METAP1D: variants seen among roughly 807,000 people sequenced by gnomAD.
The protein encoded by METAP1D is methionyl aminopeptidase type 1D, mitochondrial, also known as methionine aminopeptidase 1D, mitochondrial.
METAP1D carries 31 observed loss-of-function variants against 40.5 expected under a neutral mutation model. The ratio of observed to expected loss-of-function variants is 0.77; its 90% CI spans 0.58 to 1.03. The LOEUF (loss-of-function observed/expected upper bound fraction) is 1.03, where lower values mean the gene tolerates loss of function less well. Ranked by LOEUF, METAP1D falls within the 50% of genes least tolerant of loss-of-function variation. METAP1D has a pLI of 0.00. For missense variants in METAP1D, 411 were observed against 420.7 expected, an observed-to-expected ratio of 0.98 and a Z score of 0.20; for synonymous variants, 151 against 146.4, an observed-to-expected ratio of 1.03 and a Z score of -0.22.
intron 1 of METAP1D, among the ~76,000 whole-genome samples, chr2:172,045,767 ATATG>A (rs1279039370): frequency 1.5e-5 from 1 of 65,534 alleles, no homozygotes; most frequent in African/African-American, 4.8e-5. Context: ...ATGTGTGTAT[ATATG>A]TATATATGTG....
intron 1 of METAP1D, among the ~76,000 whole-genome samples, chr2:172,005,520 T>TTATATATATATATATA (rs34982215): frequency 0.015 from 1,681 of 110,636 alleles, 31 homozygotes; most frequent in Non-Finnish European, 0.022. Flanking sequence ...TGTCTGTATT[T>TTATATATATATATATA]TATATATATA....
chr2:172,046,199 A>G (rs904021214), intron 1 of METAP1D, among the ~76,000 whole-genome samples: 5 of 151,908 alleles, frequency 3.3e-5, no homozygotes, highest in Non-Finnish European at 5.9e-5. Context: ...CCTTAACCAC[A>G]TCCTAGATAA....
Position 172,081,040 on chromosome 2 carries a change from TG to T in METAP1D, c.*637del. On this transcript the variant is annotated 3_prime_UTR_variant, in exon 10 of 10. Transcript: ENST00000315796. ...CAAACATGTCCTTGGCAGTGGACTC[TG>T]GGCCTGGCCATTCTTCAGGTTTCTG... 6.5e-6 allele frequency: 1 copy of T among 154,386 alleles called. No individual in the cohort carries two copies. The highest frequency in any genetic ancestry group is 1.4e-5 in the Non-Finnish European group (1 of 69,520). The allele number at this position is 154,386 out of a possible 1,614,324, so 9.6% of individuals were successfully genotyped here.
chr2:172,026,984 C>T (rs1689132297), intron 1 of METAP1D, among the ~76,000 whole-genome samples: 1 of 152,148 alleles, frequency 6.6e-6, no homozygotes, highest in African/African-American at 2.4e-5. Context: ...TCCCCATACC[C>T]CAGTACCCTC....
intron 1 of METAP1D, among the ~76,000 whole-genome samples, chr2:172,045,560 C>T (rs1246026372): frequency 2.0e-5 from 3 of 147,474 alleles, no homozygotes; most frequent in African/African-American, 5.0e-5. Context: ...ACTCGGTAGG[C>T]TGAGGCAGGA....
chr2:172,002,534 C>T (rs1477339226), intron 1 of METAP1D, among the ~76,000 whole-genome samples: 1 of 152,184 alleles, frequency 6.6e-6, no homozygotes, highest in Non-Finnish European at 1.5e-5. Context: ...ATCCATCCCA[C>T]TGTATCCCAA....
intron 5 of METAP1D, among the ~76,000 whole-genome samples, chr2:172,068,381 G>T (rs1476177540): frequency 6.6e-6 from 1 of 151,970 alleles, no homozygotes; most frequent in Admixed American, 6.6e-5. Flanking sequence ...GTGACAGAGC[G>T]AGACTCTGTC....
intron 1 of METAP1D, among the ~76,000 whole-genome samples, chr2:172,012,145 A>T (rs1315992743): frequency 1.3e-5 from 2 of 152,250 alleles, no homozygotes; most frequent in Non-Finnish European, 2.9e-5. Flanking sequence ...GATTAAGATC[A>T]AATAGAAATA....
At chr2:172,002,446 T>C (rs1688489245) in intron 1 of METAP1D, among the ~76,000 whole-genome samples, 1 of 152,202 alleles carries the variant, frequency 6.6e-6, no homozygotes. Context: ...GATCACTTAT[T>C]ATTTTGACAA....
At position 172,030,417 on chromosome 2, in the gene METAP1D, A is replaced by G. The variant is rs7606778; in HGVS notation, c.40+30408A>G. Among the ~76,000 whole-genome samples, 390 of 152,284 alleles carry G rather than the reference A, an allele frequency of 2.6e-3. 2 individuals carry two copies. Among genetic ancestry groups the G allele is most frequent in the African/African-American group, 7.9e-3 (328 of 41,568 alleles). ...TAAGCCTACATTTTTAAAAAAATGT[A>G]TTGCAGAGGTGGAAATGAACTAAAG... On this transcript the variant is annotated intron_variant, in intron 1 of 9. Transcript: ENST00000315796.
chr2:172,063,914 T>C, intron 3 of METAP1D, 54 bp downstream of exon 3: 1 of 1,485,242 alleles, frequency 6.7e-7, no homozygotes, highest in Non-Finnish European at 8.9e-7. Context: ...CAAACACTCC[T>C]CTTTTTTTCC....
intron 1 of METAP1D, among the ~76,000 whole-genome samples, chr2:172,049,732 T>G (rs1689846987): frequency 6.6e-6 from 1 of 152,210 alleles, no homozygotes; most frequent in Non-Finnish European, 1.5e-5. Flanking sequence ...AATAACTCCT[T>G]GATGAGTGAT....
At chr2:172,017,396 T>C (rs1688899530) in intron 1 of METAP1D, among the ~76,000 whole-genome samples, 1 of 150,550 alleles carries the variant, frequency 6.6e-6, no homozygotes. Context: ...TATATATGTG[T>C]ATATATGTAT....
At chr2:172,018,528 C>G (rs1688932275) in intron 1 of METAP1D, among the ~76,000 whole-genome samples, 1 of 152,154 alleles carries the variant, frequency 6.6e-6, no homozygotes, top group Non-Finnish European at 1.5e-5. Flanking sequence ...AGATCTCATA[C>G]TCTACAAAAT....
intron 1 of METAP1D, among the ~76,000 whole-genome samples, chr2:172,038,158 T>A (rs75978640): frequency 6.6e-6 from 1 of 152,220 alleles, no homozygotes; most frequent in Non-Finnish European, 1.5e-5. Context: ...AACCATGTTG[T>A]AAATGGCAGC....
At position 172,044,033 on chromosome 2, in the gene METAP1D, CA is replaced by C. The variant is rs1240359621; in HGVS notation, c.41-17464del. Reference sequence around the variant, plus strand: ...GCTTGAGCCCAGGAAGTTAAAACTGCAGTGGGCTATGATTGCACCACTGCAC... The same window carrying C: ...GCTTGAGCCCAGGAAGTTAAAACTGCGTGGGCTATGATTGCACCACTGCAC... On this transcript the variant is annotated intron_variant, in intron 1 of 9. Transcript: ENST00000315796. Among the ~76,000 whole-genome samples the C allele has an allele frequency of 3.7e-5, 5 of 134,254 alleles. 1 individual carries two copies. Among genetic ancestry groups the C allele is most frequent in the Non-Finnish European group, 8.7e-5 (5 of 57,558 alleles). The allele number at this position is 134,254 out of a possible 152,430, so 88.1% of individuals were successfully genotyped here.
intron 2 of METAP1D, among the ~76,000 whole-genome samples, chr2:172,062,156 C>T (rs544530908): frequency 2.6e-5 from 4 of 150,968 alleles, no homozygotes; most frequent in Admixed American, 6.6e-5. Flanking sequence ...TCAGAGATTG[C>T]AATTCTGTGG....
intron 1 of METAP1D, among the ~76,000 whole-genome samples, chr2:172,041,315 T>C (rs371790209): frequency 0.15 from 17,396 of 116,670 alleles, 2,314 homozygotes; most frequent in Non-Finnish European, 0.23. Flanking sequence ...AAAAATTAGC[T>C]GGGCGTGGTG....
intron 1 of METAP1D, among the ~76,000 whole-genome samples, chr2:172,010,263 C>A (rs1239980338): frequency 1.3e-5 from 2 of 151,406 alleles, no homozygotes; most frequent in Admixed American, 1.3e-4. Flanking sequence ...ACCTCAGCCC[C>A]CCAAGTAGCT....
Sources: allele counts gnomAD v4.1 joint callset (sites outside exome capture counted in the v4.1 genomes callset), GRCh38; gene constraint gnomAD v4.1.1; transcripts MANE v1.5; gene names NCBI Gene and HGNC (gene_info 2026-07-23, HGNC 2026-07-21).